MDGA2: variants seen among roughly 807,000 people sequenced by gnomAD.
The protein encoded by MDGA2 is MAM domain containing glycosylphosphatidylinositol anchor 2, also known as MAM domain-containing glycosylphosphatidylinositol anchor protein 2.
A neutral mutation model predicts 117.8 loss-of-function variants in MDGA2; 40 were observed. The ratio of observed to expected loss-of-function variants is 0.34; its 90% CI spans 0.26 to 0.44. The LOEUF is 0.44. Among genes scored for constraint, MDGA2 ranks in the 20% least tolerant of loss-of-function variants. MDGA2 has a pLI of 1.00. For missense variants in MDGA2, 1,123 were observed against 1,250.6 expected (o/e 0.90, Z 1.54); for synonymous variants, 452 against 439.0 (o/e 1.03, Z -0.37).
chr14:47,291,794 T>C (rs1369178549), intron 2 of MDGA2, among the ~76,000 whole-genome samples: 2 of 152,286 alleles, frequency 1.3e-5, no homozygotes, highest in Non-Finnish European at 2.9e-5. Context: ...TTTTGCACCA[T>C]TGTAAAGTTG....
At chr14:46,926,455 C>A (rs1339863840) in intron 9 of MDGA2, among the ~76,000 whole-genome samples, 1 of 150,226 alleles carries the variant, frequency 6.7e-6, no homozygotes, top group Non-Finnish European at 1.5e-5. Flanking sequence ...AATCAGAAAT[C>A]ACAGCTCTAG....
intron 2 of MDGA2, among the ~76,000 whole-genome samples, chr14:47,220,536 T>C (rs568537661): frequency 3.5e-4 from 54 of 152,298 alleles, no homozygotes; most frequent in South Asian, 8.3e-4. Flanking sequence ...AGTGGGCCGA[T>C]TTGAAACAAA....
intron 11 of MDGA2, among the ~76,000 whole-genome samples, chr14:46,879,472 A>T (rs1436517106): frequency 1.3e-5 from 2 of 152,178 alleles, no homozygotes; most frequent in African/African-American, 4.8e-5. Context: ...AATAATTTTA[A>T]TAAAAATGTT....
At chr14:47,280,951 AATAT>A (rs927065780) in intron 2 of MDGA2, among the ~76,000 whole-genome samples, 7 of 148,118 alleles carry the variant, frequency 4.7e-5, no homozygotes, top group African/African-American at 1.7e-4. Context: ...AAAATAATAT[AATAT>A]ATAAGGTATA....
At chr14:47,514,860 T>C (rs555675998) in intron 1 of MDGA2, among the ~76,000 whole-genome samples, 2 of 152,128 alleles carry the variant, frequency 1.3e-5, no homozygotes, top group African/African-American at 4.8e-5. Context: ...AAGTTCTTTC[T>C]TCTTTCCCAC....
intron 1 of MDGA2, among the ~76,000 whole-genome samples, chr14:47,328,655 T>C (rs1216847560): frequency 6.6e-6 from 1 of 152,158 alleles, no homozygotes; most frequent in Admixed American, 6.6e-5. Context: ...TTGAATTTTT[T>C]TAAATTTATT....
intron 1 of MDGA2, among the ~76,000 whole-genome samples, chr14:47,319,624 G>C (rs975318575): frequency 6.6e-6 from 1 of 152,080 alleles, no homozygotes; most frequent in Admixed American, 6.6e-5. Flanking sequence ...TTCCATGATA[G>C]AGATACTTCC....
intron 1 of MDGA2, among the ~76,000 whole-genome samples, chr14:47,546,374 G>GA (rs765910495): frequency 2.6e-5 from 4 of 152,076 alleles, no homozygotes; most frequent in Non-Finnish European, 5.9e-5. Context: ...GGAAAGATTA[G>GA]AAGACACAGT....
chr14:47,296,336 A>G (rs1889073190), intron 2 of MDGA2, among the ~76,000 whole-genome samples: 1 of 152,234 alleles, frequency 6.6e-6, no homozygotes, highest in Non-Finnish European at 1.5e-5. Context: ...CTTGAGAACA[A>G]AAGTATCTTA....
At chr14:47,243,235 T>C (rs575032923) in intron 2 of MDGA2, among the ~76,000 whole-genome samples, 1 of 151,088 alleles carries the variant, frequency 6.6e-6, no homozygotes, top group Non-Finnish European at 1.5e-5. Context: ...TCTATCTAAC[T>C]AATCTGGTGG....
Position 47,640,187 on chromosome 14 carries a change from C to G in MDGA2, c.280+34330G>C, listed in dbSNP as rs186219166. 6.6e-5 allele frequency among the ~76,000 whole-genome samples: 10 copies of G among 152,246 alleles called. No homozygotes were observed. The East Asian group carries it at 1.9e-3, about 29-fold the overall frequency. On this transcript the variant is annotated intron_variant, in intron 1 of 16. Coordinates refer to ENST00000399232, the MANE Select transcript of MDGA2 (RefSeq NM_001113498.3). ...TCTTTCCTCACCCTCAAGTTTAATG[C>G]CAAATGGTCCCCTTCTTGGATAGTT...
At chr14:47,374,179 T>C (rs1465801466) in intron 1 of MDGA2, among the ~76,000 whole-genome samples, 1 of 152,136 alleles carries the variant, frequency 6.6e-6, no homozygotes, top group African/African-American at 2.4e-5. Context: ...AGTTTAAATA[T>C]AATACACCAA....
intron 1 of MDGA2, among the ~76,000 whole-genome samples, chr14:47,610,337 G>A (rs1003928372): frequency 1.3e-5 from 2 of 151,844 alleles, no homozygotes; most frequent in African/African-American, 4.8e-5. Flanking sequence ...ACAAGAGAAA[G>A]TAAGGGCATC....
chr14:46,905,473 T>C (rs568924305), intron 10 of MDGA2, among the ~76,000 whole-genome samples: 41 of 152,316 alleles, frequency 2.7e-4, no homozygotes, highest in African/African-American at 9.1e-4. Context: ...TACATAATTG[T>C]TGATACCAAT....
chr14:47,664,865 A>C (rs1444711565), intron 1 of MDGA2, among the ~76,000 whole-genome samples: 1 of 152,208 alleles, frequency 6.6e-6, no homozygotes, highest in Non-Finnish European at 1.5e-5. Flanking sequence ...CCCCCACAGG[A>C]ACTTTAGAGA....
At chr14:47,395,587 T>C (rs1891990753) in intron 1 of MDGA2, among the ~76,000 whole-genome samples, 1 of 152,118 alleles carries the variant, frequency 6.6e-6, no homozygotes, top group South Asian at 2.1e-4. Context: ...AATATGAACT[T>C]GATTTTTGAG....
chr14:46,970,398 A>G (rs1033771746), intron 8 of MDGA2, among the ~76,000 whole-genome samples: 1 of 152,158 alleles, frequency 6.6e-6, no homozygotes, highest in African/African-American at 2.4e-5. Context: ...ATAAATCCAC[A>G]TATTTTCAGC....
Position 47,466,816 on chromosome 14 carries a change from G to T in MDGA2, c.281-165266C>A, listed in dbSNP as rs530992594. 2.6e-5 allele frequency among the ~76,000 whole-genome samples: 4 copies of T among 151,050 alleles called. No individual in the cohort carries two copies. The South Asian group carries it at 6.2e-4, about 24-fold the overall frequency. ...TATATTGATAATATATTACTCTCATGTTAATAACATATTATAATACAAAAT... is the reference window on the plus strand; with the variant it reads ...TATATTGATAATATATTACTCTCATTTTAATAACATATTATAATACAAAAT... On this transcript the variant is annotated intron_variant, in intron 1 of 16. Coordinates refer to ENST00000399232, the MANE Select transcript of MDGA2 (RefSeq NM_001113498.3).
rs568738074 is a variant in MDGA2 at position 47,150,656 on chromosome 14, G to A, written c.596-6382C>T. On this transcript the variant is annotated intron_variant, in intron 3 of 16. Transcript: ENST00000399232. ...TATAAGTGGTTGGCTGGGCGTGGTGGCTCATGCCTGTAATCCTAGCACTTT... is the reference window on the plus strand; with the variant it reads ...TATAAGTGGTTGGCTGGGCGTGGTGACTCATGCCTGTAATCCTAGCACTTT... Among the ~76,000 whole-genome samples the A allele has an allele frequency of 2.6e-5, 4 of 152,260 alleles. No homozygotes were observed. The South Asian group carries it at 8.3e-4, about 32-fold the overall frequency.
Sources: gnomAD v4.1 joint callset for allele counts (sites outside exome capture counted in the v4.1 genomes callset) on GRCh38, gnomAD v4.1.1 for gene constraint, MANE v1.5 for transcripts, NCBI Gene and HGNC (gene_info 2026-07-23, HGNC 2026-07-21) for gene names.